The following RGS7 variants were observed in gnomAD, a reference collection of about 807,000 sequenced individuals.
RGS7 encodes the protein regulator of G protein signaling 7.
In RGS7, 27 loss-of-function variants were observed where a neutral mutation model predicts 81.1. The observed-to-expected ratio is 0.33, with a 90% CI of 0.25 to 0.46. The LOEUF is 0.46. Ranked by LOEUF, RGS7 falls within the 20% of genes least tolerant of loss-of-function variation. The pLI, the probability that RGS7 is intolerant of heterozygous loss-of-function variation, is 1.00. For missense variants in RGS7, 396 were observed against 607.4 expected (o/e 0.65, Z 3.66); for synonymous variants, 208 against 207.7 (o/e 1.00, Z -0.01).
intron 6 of RGS7, among the ~76,000 whole-genome samples, chr1:240,882,019 A>G (rs964471646): frequency 7.9e-5 from 12 of 151,600 alleles, no homozygotes; most frequent in African/African-American, 2.9e-4. Context: ...GGTTCAAGCT[A>G]TTCTCCAGCC....
At chr1:240,804,517 GT>G (rs1304243316) in intron 15 of RGS7, among the ~76,000 whole-genome samples, 2 of 151,142 alleles carry the variant, frequency 1.3e-5, no homozygotes, top group Non-Finnish European at 2.9e-5. Flanking sequence ...CTAGGGCCAA[GT>G]GGTATTGTTT....
chr1:240,823,401 T>C (rs528998451), intron 10 of RGS7: 26 of 416,714 alleles, frequency 6.2e-5, no homozygotes, highest in African/African-American at 4.3e-4. Flanking sequence ...CCCGCACCAC[T>C]TGGGCCCGGC....
chr1:241,212,122 ATAGT>A (rs764836218), intron 2 of RGS7, among the ~76,000 whole-genome samples: 9 of 151,870 alleles, frequency 5.9e-5, no homozygotes, highest in Non-Finnish European at 1.0e-4. Flanking sequence ...TTAATAAATA[ATAGT>A]TAATTATTAC....
intron 2 of RGS7, among the ~76,000 whole-genome samples, chr1:241,260,079 C>T (rs2077251032): frequency 6.6e-6 from 1 of 152,144 alleles, no homozygotes; most frequent in Admixed American, 6.5e-5. Flanking sequence ...TTGTCCTATA[C>T]CCACCCAAAT....
chr1:241,322,140 G>A (rs1573665872), intron 2 of RGS7, among the ~76,000 whole-genome samples: 2 of 152,248 alleles, frequency 1.3e-5, no homozygotes, highest in South Asian at 2.1e-4. Flanking sequence ...CAATGTCTCT[G>A]TCCTCTACGT....
intron 2 of RGS7, among the ~76,000 whole-genome samples, chr1:241,106,748 A>G (rs137931451): frequency 1.3e-4 from 15 of 112,268 alleles, no homozygotes; most frequent in Admixed American, 5.0e-4. Context: ...AACCAACACC[A>G]CCACCACACA....
At chr1:240,959,257 A>G (rs988044102) in intron 4 of RGS7, among the ~76,000 whole-genome samples, 10 of 152,186 alleles carry the variant, frequency 6.6e-5, no homozygotes, top group Non-Finnish European at 1.3e-4. Context: ...CAAGAGGAAA[A>G]TACAGCCATG....
chr1:241,135,970 A>C (rs1332755682), intron 2 of RGS7, among the ~76,000 whole-genome samples: 1 of 152,056 alleles, frequency 6.6e-6, no homozygotes. Flanking sequence ...CAAAAAAAAA[A>C]AAAAAACTAG....
intron 3 of RGS7, among the ~76,000 whole-genome samples, chr1:241,007,323 T>C (rs1048261692): frequency 6.6e-6 from 1 of 152,244 alleles, no homozygotes; most frequent in Non-Finnish European, 1.5e-5. Flanking sequence ...ACTTCAAGTA[T>C]GTTGAATGCT....
chr1:241,006,443 A>C (rs1267054032), intron 3 of RGS7, among the ~76,000 whole-genome samples: 1 of 152,190 alleles, frequency 6.6e-6, no homozygotes, highest in Non-Finnish European at 1.5e-5. Flanking sequence ...TGTCTATATC[A>C]AGCTCGCTAG....
chr1:241,078,713 T>C (rs2062967804), intron 3 of RGS7, among the ~76,000 whole-genome samples: 1 of 152,136 alleles, frequency 6.6e-6, no homozygotes, highest in Non-Finnish European at 1.5e-5. Flanking sequence ...ACCATAAATA[T>C]ATAAATTAAT....
At chr1:240,883,464 C>G (rs1405842572) in intron 6 of RGS7, among the ~76,000 whole-genome samples, 1 of 152,180 alleles carries the variant, frequency 6.6e-6, no homozygotes, top group East Asian at 1.9e-4. Flanking sequence ...TCTCTTCTTC[C>G]CAAATGTACT....
intron 3 of RGS7, among the ~76,000 whole-genome samples, chr1:241,051,432 G>A (rs1001485642): frequency 2.7e-5 from 4 of 149,868 alleles, no homozygotes; most frequent in Non-Finnish European, 5.9e-5. Flanking sequence ...TACCTTGAAA[G>A]GAACCCCTGA....
chr1:241,114,507 T>A (rs1401887530), intron 2 of RGS7, among the ~76,000 whole-genome samples: 1 of 152,062 alleles, frequency 6.6e-6, no homozygotes. Context: ...AAAAAAAAAA[T>A]TCATGTACAT....
chr1:241,036,936 A>G (rs1267722872), intron 3 of RGS7, among the ~76,000 whole-genome samples: 1 of 152,160 alleles, frequency 6.6e-6, no homozygotes, highest in African/African-American at 2.4e-5. Flanking sequence ...TACATACTTA[A>G]GTTGAAAGGA....
At chr1:241,131,830 A>G (rs995283974) in intron 2 of RGS7, among the ~76,000 whole-genome samples, 1 of 152,230 alleles carries the variant, frequency 6.6e-6, no homozygotes, top group African/African-American at 2.4e-5. Flanking sequence ...CAAGCTGCCC[A>G]TAATAAAATG....
intron 3 of RGS7, among the ~76,000 whole-genome samples, chr1:241,038,848 T>C (rs2060462240): frequency 6.6e-6 from 1 of 151,992 alleles, no homozygotes; most frequent in South Asian, 2.1e-4. Context: ...GCATTTGTAG[T>C]CCTAGCTACC....
At chr1:241,078,038 G>A (rs1025318331) in intron 3 of RGS7, among the ~76,000 whole-genome samples, 50 of 150,948 alleles carry the variant, frequency 3.3e-4, no homozygotes, top group South Asian at 2.1e-4. Flanking sequence ...CCATGTATAC[G>A]TAATATTATA....
At chr1:241,026,557 C>T (rs2059796108) in intron 3 of RGS7, among the ~76,000 whole-genome samples, 1 of 151,778 alleles carries the variant, frequency 6.6e-6, no homozygotes, top group Admixed American at 6.6e-5. Flanking sequence ...CCACTGCACT[C>T]CAGTCTGTGT....
Sources: gnomAD v4.1 joint callset for allele counts (sites outside exome capture counted in the v4.1 genomes callset) on GRCh38, gnomAD v4.1.1 for gene constraint, MANE v1.5 for transcripts, NCBI Gene and HGNC (gene_info 2026-07-23, HGNC 2026-07-21) for gene names.